The following SLC38A6 variants were observed in gnomAD, a reference collection of about 807,000 sequenced individuals.
SLC38A6 encodes solute carrier family 38 member 6.
A neutral mutation model predicts 65.0 loss-of-function variants in SLC38A6; 73 were observed. That is an observed-to-expected ratio of 1.12 (90% confidence interval 0.93 to 1.37). SLC38A6 has a LOEUF of 1.37. Among genes scored for constraint, SLC38A6 ranks in the 40% most tolerant of loss-of-function variants. The probability of loss-of-function intolerance (pLI) is 0.00; values close to 1 mark genes in which losing one functional copy is unlikely to be tolerated. For missense variants in SLC38A6, 561 were observed against 531.1 expected (o/e 1.06, Z -0.55); for synonymous variants, 183 against 178.8 (o/e 1.02, Z -0.19).
intron 3 of SLC38A6, among the ~76,000 whole-genome samples, chr14:60,995,164 A>G (rs745860713): frequency 6.6e-6 from 1 of 152,236 alleles, no homozygotes; most frequent in Non-Finnish European, 1.5e-5. Context: ...TACCTTGTAG[A>G]GATATCTATG....
Position 61,019,578 on chromosome 14 carries a change from G to A in SLC38A6, c.401G>A (p.Gly134Glu). The change falls in exon 5 of 16, where the codon GGA (glycine) becomes GAA (glutamate). Residue 134 changes from glycine to glutamate, a missense_variant and splice_region_variant. Transcript: ENST00000267488. ...GGCACCATAATAATTCAGAATATTGGAGGTAAGCAATTGCAAGTGCACTGT... is the reference window on the plus strand; with the variant it reads ...GGCACCATAATAATTCAGAATATTGAAGGTAAGCAATTGCAAGTGCACTGT... The part of the protein sequence containing the change: ...VAGTIIIQNI[G>E]AMSSYLLIIK... 6.2e-7 allele frequency: 1 copy of A among 1,613,300 alleles called. No individual in the cohort carries two copies. The highest frequency in any genetic ancestry group is 8.5e-7 in the Non-Finnish European group (1 of 1,179,440).
At chr14:60,981,427 T>A (rs188226358) in intron 1 of SLC38A6, 45 bp downstream of exon 1, 1 of 1,552,646 alleles carries the variant, frequency 6.4e-7, no homozygotes, top group Admixed American at 2.0e-5. Context: ...CCCTCCGGCT[T>A]CCCTCAAGTG....
At chr14:60,988,669 C>T (rs2037637122) in intron 3 of SLC38A6, among the ~76,000 whole-genome samples, 1 of 152,154 alleles carries the variant, frequency 6.6e-6, no homozygotes, top group Non-Finnish European at 1.5e-5. Flanking sequence ...CAGTTTTCAC[C>T]CCTACCAAGA....
At chr14:61,009,953 C>T (rs1436695937) in intron 3 of SLC38A6, among the ~76,000 whole-genome samples, 4 of 152,190 alleles carry the variant, frequency 2.6e-5, no homozygotes, top group East Asian at 1.9e-4. Context: ...TGAGGAATCA[C>T]CACACTGACT....
At position 61,050,588 on chromosome 14, in the gene SLC38A6, A is replaced by G. The variant is rs1375509276; in HGVS notation, c.1002A>G (p.Leu334=). Reference sequence around the variant, plus strand: ...ATGTTGTTGTCATGACTGTGAAGTTATGCATACTATTTGCTGTGCTTTTGA... The same window carrying G: ...ATGTTGTTGTCATGACTGTGAAGTTGTGCATACTATTTGCTGTGCTTTTGA... ...SHDVVVMTVK[L]CILFAVLLTV... is the part of the protein sequence containing the mutation. Residue 334 remains leucine, a synonymous_variant, in exon 13 of 16, where the codon TTA becomes TTG. Transcript: ENST00000267488. 1.3e-6 allele frequency: 2 copies of G among 1,599,022 alleles called. No homozygotes were observed. Among genetic ancestry groups the G allele is most frequent in the African/African-American group, 1.3e-5 (1 of 74,848 alleles).
chr14:61,037,558 T>C, intron 7 of SLC38A6, 67 bp from the exon 8 acceptor site: 1 of 1,112,256 alleles, frequency 9.0e-7, no homozygotes, highest in Non-Finnish European at 1.3e-6. Flanking sequence ...CTAAGATGTA[T>C]AGCTTTAGTT....
chr14:61,015,868 T>C (rs771110212), intron 3 of SLC38A6, 36 bp from the exon 4 acceptor site: 10 of 1,541,440 alleles, frequency 6.5e-6, no homozygotes, highest in Non-Finnish European at 8.8e-6. Context: ...ATAAATAGTT[T>C]TGTGTAAAAG....
intron 15 of SLC38A6, among the ~76,000 whole-genome samples, chr14:61,066,319 A>G (rs562917141): frequency 6.6e-6 from 1 of 152,252 alleles, no homozygotes; most frequent in African/African-American, 2.4e-5. Context: ...CACCCTTCCT[A>G]AACAATCTGA....
chr14:60,982,549 A>G lies in SLC38A6; in HGVS notation c.147A>G (p.Leu49=), dbSNP rs2037138691. 3 of 1,613,976 alleles carry G rather than the reference A, an allele frequency of 1.9e-6. No homozygotes were observed. In the South Asian group the frequency reaches 3.3e-5, roughly 18 times the overall value. The change falls in exon 2 of 16, where the codon TTA becomes TTG. Residue 49 remains leucine, a synonymous_variant. Coordinates refer to ENST00000267488, the MANE Select transcript of SLC38A6 (RefSeq NM_153811.3). ...RQRSPGVSFG[L]SVFNLMNAIM... ...GATCCCCAGGTGTTTCATTTGGTTT[A>G]TCAGTGTTTAATTTGATGAATGCCA...
intron 3 of SLC38A6, among the ~76,000 whole-genome samples, chr14:60,992,898 A>C (rs1395454046): frequency 6.7e-6 from 1 of 150,108 alleles, no homozygotes; most frequent in Non-Finnish European, 1.5e-5. Flanking sequence ...CCCAGGCTGG[A>C]ATGCAGTGGT....
chr14:61,019,628 A>T, intron 5 of SLC38A6, 48 bp downstream of exon 5: 1 of 1,569,894 alleles, frequency 6.4e-7, no homozygotes, highest in Non-Finnish European at 8.8e-7. Context: ...GATGGCAATA[A>T]TGTCCTTTGA....
intron 3 of SLC38A6, among the ~76,000 whole-genome samples, chr14:61,013,895 G>A (rs186795072): frequency 2.6e-5 from 4 of 152,232 alleles, no homozygotes; most frequent in Admixed American, 6.5e-5. Context: ...TATGTTAGTG[G>A]CGTTCTCTGT....
chr14:61,016,530 G>A (rs772491048), intron 4 of SLC38A6, among the ~76,000 whole-genome samples: 9 of 152,140 alleles, frequency 5.9e-5, no homozygotes, highest in Non-Finnish European at 1.2e-4. Context: ...TTCTTACTCA[G>A]AATAAGAGAA....
chr14:60,995,248 A>G (rs1180677896), intron 3 of SLC38A6, among the ~76,000 whole-genome samples: 1 of 152,232 alleles, frequency 6.6e-6, no homozygotes, highest in Non-Finnish European at 1.5e-5. Context: ...AAGTGAGTAT[A>G]TAAAAAATTG....
At chr14:61,030,579 AT>A in intron 6 of SLC38A6, 56 bp downstream of exon 6, 1 of 1,208,112 alleles carries the variant, frequency 8.3e-7, no homozygotes. Flanking sequence ...ATAAATATGT[AT>A]TAAGCTGTAA....
chr14:60,981,535 A>G (rs1253176604), intron 1 of SLC38A6, 153 bp downstream of exon 1: 2 of 1,532,080 alleles, frequency 1.3e-6, no homozygotes, highest in African/African-American at 2.7e-5. Flanking sequence ...AGCCGCCGAG[A>G]TTCAGATGAG....
intron 5 of SLC38A6, among the ~76,000 whole-genome samples, chr14:61,022,668 CT>C (rs889806342): frequency 2.0e-5 from 3 of 151,612 alleles, no homozygotes; most frequent in Admixed American, 2.0e-4. Flanking sequence ...GTTCAGATAA[CT>C]TTTTTTTAAA....
intron 15 of SLC38A6, among the ~76,000 whole-genome samples, chr14:61,062,870 G>A (rs1347481921): frequency 1.3e-5 from 2 of 152,074 alleles, no homozygotes; most frequent in Admixed American, 1.3e-4. Context: ...TAGTAGATAG[G>A]GTTTCGCCAT....
At chr14:61,029,313 C>T (rs555502855) in intron 5 of SLC38A6, among the ~76,000 whole-genome samples, 106 of 152,122 alleles carry the variant, frequency 7.0e-4, no homozygotes, top group Non-Finnish European at 1.3e-3. Context: ...ACTGCCACCA[C>T]GCCTGGCTAA....
Sources: gnomAD v4.1 joint callset for allele counts (sites outside exome capture counted in the v4.1 genomes callset) on GRCh38, gnomAD v4.1.1 for gene constraint, MANE v1.5 for transcripts, NCBI Gene and HGNC (gene_info 2026-07-23, HGNC 2026-07-21) for gene names.